Variants in SEMA3G observed in about 807,000 individuals in gnomAD.
SEMA3G encodes the protein semaphorin 3G, also known as semaphorin-3G.
A neutral mutation model predicts 86.2 loss-of-function variants in SEMA3G; 70 were observed. That is an observed-to-expected ratio of 0.81 (90% CI 0.67 to 0.99). The LOEUF (loss-of-function observed/expected upper bound fraction) is 0.99. Ranked by LOEUF, SEMA3G falls within the 50% of genes least tolerant of loss-of-function variation. The pLI is 0.00. For synonymous variants in SEMA3G, 416 were observed against 441.4 expected, an observed-to-expected ratio of 0.94 and a Z score of 0.72; for missense variants, 1,002 against 1,072.4, an observed-to-expected ratio of 0.93 and a Z score of 0.92.
intron 1 of SEMA3G, among the ~76,000 whole-genome samples, chr3:52,443,738 C>T (rs924176730): frequency 6.6e-6 from 1 of 152,196 alleles, no homozygotes; most frequent in Admixed American, 6.5e-5. Context: ...GGAACTTTCC[C>T]TATTTGGGGC....
intron 1 of SEMA3G, among the ~76,000 whole-genome samples, chr3:52,444,406 C>T (rs978423621): frequency 8.5e-5 from 13 of 152,056 alleles, no homozygotes; most frequent in African/African-American, 3.1e-4. Context: ...CCCTCCCCTA[C>T]AGCTGACCAG....
rs1173045075 is a variant in SEMA3G, at chr3:52,438,087, G to C, written c.1622C>G (p.Ala541Gly). ...GTGGGTACAGGAGGCACCATCCCAG[G>C]CACAGTATGGGTCCCGGGCCAGGCA... ...ECCLARDPYC[A>G]WDGASCTHYR... is the part of the protein sequence containing the mutation. The change falls in exon 14 of 16, where the codon GCC (alanine) becomes GGC (glycine). Residue 541 changes from alanine to glycine, a missense_variant. Ala to Gly is a moderately conservative substitution (Grantham distance 60). Transcript: ENST00000231721. 1.9e-6 allele frequency: 3 copies of C among 1,613,260 alleles called. No homozygotes were observed. Among genetic ancestry groups the C allele is most frequent in the Non-Finnish European group, 2.5e-6 (3 of 1,180,026 alleles).
rs1706182528 is a variant in SEMA3G at position 52,442,708 on chromosome 3, G to A, written c.276+39C>T. ...CTGGCCTCCCATCTGGAGGTGCCCA[G>A]TTCTCAAACAGACCCTCTTCCCTGC... is the stretch of plus-strand genomic sequence containing the variant. On this transcript the variant is annotated intron_variant, in intron 2 of 15. Coordinates refer to ENST00000231721, the MANE Select transcript of SEMA3G (RefSeq NM_020163.3). The surrounding 1 kb of genome is among the most constrained non-coding windows in gnomAD (Gnocchi z 6.1). 8 of 1,613,710 alleles carry A rather than the reference G, an allele frequency of 5.0e-6. No individual in the cohort carries two copies. Among genetic ancestry groups the A allele is most frequent in the Non-Finnish European group, 6.8e-6 (8 of 1,179,754 alleles).
At position 52,438,209 on chromosome 3, in the gene SEMA3G, G is replaced by T; in HGVS notation, c.1510-10C>A. On this transcript the variant is annotated splice_polypyrimidine_tract_variant and intron_variant, in intron 13 of 15. Transcript: ENST00000231721. ...CCACGTATAGCATTTGCTGGGGAGG[G>T]ACAGAAGCAGAGCCTGAGGTGAGCC... 1.2e-6 allele frequency: 2 copies of T among 1,607,582 alleles called. No individual in the cohort carries two copies. The highest frequency in any genetic ancestry group is 1.7e-6 in the Non-Finnish European group (2 of 1,176,444).
intron 10 of SEMA3G, 44 bp from the exon 11 acceptor site, chr3:52,440,142 G>A: frequency 1.4e-6 from 2 of 1,452,320 alleles, no homozygotes; most frequent in Non-Finnish European, 9.4e-7. Context: ...TCCTGAGACA[G>A]CACACACCCT....
In SEMA3G at chr3:52,442,179, G is replaced by A. The variant is rs1392588082; in HGVS notation, c.459+6C>T. On this transcript the variant is annotated splice_donor_region_variant and intron_variant, in intron 4 of 15. Coordinates refer to ENST00000231721, the MANE Select transcript of SEMA3G (RefSeq NM_020163.3). This position sits in a 1 kb window ranked among gnomAD's most constrained non-coding sequence, Gnocchi z 6.1. ...CAGTCCCTTGTGGGGCCTGGCCCAG[G>A]CTCACCTCCCCACGGTGGCCAACTG... is the stretch of plus-strand genomic sequence containing the variant. The A allele has an allele frequency of 1.9e-6, 3 of 1,612,288 alleles. No individual in the cohort carries two copies. Among genetic ancestry groups the A allele is most frequent in the African/African-American group, 1.3e-5 (1 of 74,912 alleles).
intron 9 of SEMA3G, 66 bp downstream of exon 9, chr3:52,440,688 A>C: frequency 6.6e-7 from 1 of 1,517,816 alleles, no homozygotes; most frequent in Non-Finnish European, 9.0e-7. Flanking sequence ...GAGTACAGTC[A>C]CAGGTCACCG....
rs576436098 is a variant in SEMA3G at position 52,443,952 on chromosome 3, C to T, written c.115+961G>A. Among the ~76,000 whole-genome samples, 58 of 152,350 alleles carry T rather than the reference C, an allele frequency of 3.8e-4. 1 individual carries two copies. The South Asian group carries it at 8.5e-3, about 22-fold the overall frequency. On this transcript the variant is annotated intron_variant, in intron 1 of 15. Transcript: ENST00000231721. ...CTGGGCCCATCCGTGGAGGCCTGAG[C>T]CGGCTCACATGTCTAGGGTAGAACA...
rs1578257863 is a variant in SEMA3G, at chr3:52,440,917, C to T, written c.928+17G>A. ...TCCCCACTCCCGAGCCCTAGGCCTG[C>T]TTGGCCAGGCCCTCACCTAGCTGGT... On this transcript the variant is annotated intron_variant, in intron 8 of 15. Transcript: ENST00000231721. The T allele has an allele frequency of 1.2e-6, 2 of 1,600,294 alleles. No individual in the cohort carries two copies. Among genetic ancestry groups the T allele is most frequent in the East Asian group, 2.2e-5 (1 of 44,784 alleles).
intron 1 of SEMA3G, among the ~76,000 whole-genome samples, chr3:52,443,817 C>T (rs1706207016): frequency 6.6e-6 from 1 of 152,208 alleles, no homozygotes; most frequent in Non-Finnish European, 1.5e-5. Flanking sequence ...CCCTCAGCCT[C>T]TCCAGGGACG....
chr3:52,436,693 C>T (rs1488004798), intron 15 of SEMA3G, among the ~76,000 whole-genome samples: 2 of 152,258 alleles, frequency 1.3e-5, no homozygotes, highest in African/African-American at 4.8e-5. Flanking sequence ...GCCCTGATCC[C>T]AGCCCGCCTC....
chr3:52,444,960 C>A lies in SEMA3G; in HGVS notation c.68G>T (p.Gly23Val). Residue 23 changes from glycine (G) to valine (V), a missense_variant, in exon 1 of 16, where the codon GGC (glycine) becomes GTC (valine). Gly to Val is a moderately radical substitution (Grantham distance 109). Coordinates refer to ENST00000231721, the MANE Select transcript of SEMA3G (RefSeq NM_020163.3). Reference protein sequence around the residue: ...GGLLLHGGSSGPSPGPSVPRL... With the variant: ...GGLLLHGGSSVPSPGPSVPRL... ...GGGCACACTGGGGCCGGGGCTGGGG[C>A]CAGAGCTACCCCCATGGAGCAGGAG... The A allele has an allele frequency of 7.7e-7, 1 of 1,300,330 alleles. No homozygotes were observed. The highest frequency in any genetic ancestry group is 9.8e-7 in the Non-Finnish European group (1 of 1,019,304). The allele number at this position is 1,300,330 out of a possible 1,614,324, so 80.5% of individuals were successfully genotyped here.
Position 52,441,631 on chromosome 3 carries a change from G to A in SEMA3G, c.610C>T (p.Arg204Ter), listed in dbSNP as rs1376812567. 2.5e-6 allele frequency: 4 copies of A among 1,613,764 alleles called. No individual in the cohort carries two copies. Among genetic ancestry groups the A allele is most frequent in the Non-Finnish European group, 3.4e-6 (4 of 1,179,988 alleles). Reference sequence around the variant, plus strand: ...AGAGCTGGCCGAGGACCTCCACTTCGGAAGATCATGGCCTCTCGCCCCAGG... The same window carrying A: ...AGAGCTGGCCGAGGACCTCCACTTCAGAAGATCATGGCCTCTCGCCCCAGG... ...DFLGREAMIF[R>*]SGGPRPALRS... The change falls in exon 6 of 16, where the codon CGA (arginine) becomes TGA (stop). Residue 204 changes from arginine to a stop codon, truncating the protein, a stop_gained. Transcript: ENST00000231721. LOFTEE classifies it high-confidence loss of function.
Position 52,439,895 on chromosome 3 carries a change from C to T in SEMA3G, c.1347G>A (p.Gly449=), listed in dbSNP as rs779549820. 17 of 1,613,520 alleles carry T rather than the reference C, an allele frequency of 1.1e-5. No individual in the cohort carries two copies. The highest frequency in any genetic ancestry group is 1.4e-5 in the Non-Finnish European group (17 of 1,179,898). ...TCCCCAGGAAAATGACATCGTAGGT[C>T]CCATCCTCTGCCTCCACGCGGTCCA... ...IVVDRVEAED[G]TYDVIFLGTD... is the part of the protein sequence containing the mutation. Residue 449 remains glycine (G), a synonymous_variant, in exon 11 of 16, where the codon GGG becomes GGA. Transcript: ENST00000231721.
At position 52,440,535 on chromosome 3, in the gene SEMA3G, T is replaced by C; in HGVS notation, c.999-14A>G. 4 of 1,604,270 alleles carry C rather than the reference T, an allele frequency of 2.5e-6. No homozygotes were observed. Among genetic ancestry groups the C allele is most frequent in the Non-Finnish European group, 3.4e-6 (4 of 1,175,722 alleles). On this transcript the variant is annotated splice_polypyrimidine_tract_variant and intron_variant, in intron 9 of 15. Coordinates refer to ENST00000231721, the MANE Select transcript of SEMA3G (RefSeq NM_020163.3). ...TGGAACACGGCACTGCCGGGGCACA[T>C]GGGACAGTCAGGCCAGAGTGGCCAT... is the stretch of plus-strand genomic sequence containing the variant.
At chr3:52,437,877 A>G in intron 14 of SEMA3G, 94 bp downstream of exon 14, 11 of 1,247,712 alleles carry the variant, frequency 8.8e-6, no homozygotes, top group Non-Finnish European at 1.3e-5. Context: ...CCGTCATGAC[A>G]AGACCAATCT....
chr3:52,442,375 C>T lies in SEMA3G; in HGVS notation c.340-71G>A. 1 of 1,512,028 alleles carries T rather than the reference C, an allele frequency of 6.6e-7. No homozygotes were observed. The highest frequency in any genetic ancestry group is 9.1e-7 in the Non-Finnish European group (1 of 1,100,672). The allele number at this position is 1,512,028 out of a possible 1,614,324, so 93.7% of individuals were successfully genotyped here. A position where few individuals can be genotyped will look rare whatever the true frequency, so the allele number is the denominator to read the frequency against. The stretch of plus-strand genomic sequence containing the variant: ...CACCATCTCCTTGGGGCCCAAGGCT[C>T]AGCCCTGTCTGGCGGTCAGCTCTGG... On this transcript the variant is annotated intron_variant, in intron 3 of 15. Coordinates refer to ENST00000231721, the MANE Select transcript of SEMA3G (RefSeq NM_020163.3). This position sits in a 1 kb window ranked among gnomAD's most constrained non-coding sequence, Gnocchi z 6.1.
chr3:52,438,648 A>G (rs1461312170), intron 13 of SEMA3G: 7 of 985,346 alleles, frequency 7.1e-6, no homozygotes, highest in Non-Finnish European at 8.4e-6. Context: ...GCCTTGTTGG[A>G]CTTAACATCT....
chr3:52,435,661 A>G lies in SEMA3G; in HGVS notation c.2291T>C (p.Met764Thr), dbSNP rs946117498. The change falls in exon 16 of 16, where the codon ATG becomes ACG. Residue 764 changes from methionine to threonine, a missense_variant. Met to Thr is a moderately conservative substitution (Grantham distance 81). Coordinates refer to ENST00000231721, the MANE Select transcript of SEMA3G (RefSeq NM_020163.3). ...GTGCTCGGCATGCACCCGGCTCTTC[A>G]TCTTCTTGCCTAGCTCCAGCCCTGC... is the stretch of plus-strand genomic sequence containing the variant. ...SWAGLELGKKMKSRVHAEHNR... is the reference protein window; with the variant it reads ...SWAGLELGKKTKSRVHAEHNR... The G allele has an allele frequency of 1.9e-6, 3 of 1,613,326 alleles. No homozygotes were observed. Among genetic ancestry groups the G allele is most frequent in the South Asian group, 1.1e-5 (1 of 91,040 alleles).
Sources: gnomAD v4.1 joint callset for allele counts (sites outside exome capture counted in the v4.1 genomes callset) on GRCh38, gnomAD v4.1.1 for gene constraint, Gnocchi (gnomAD v3.1) non-coding constraint, MANE v1.5 for transcripts, NCBI Gene and HGNC (gene_info 2026-07-23, HGNC 2026-07-21) for gene names.